RBFOX1: variants seen among roughly 807,000 people sequenced by gnomAD.
RBFOX1 encodes the protein RNA binding fox-1 homolog 1.
A neutral mutation model predicts 57.7 loss-of-function variants in RBFOX1; 8 were observed. That is an observed-to-expected ratio of 0.14 (90% CI 0.08 to 0.25). The LOEUF (loss-of-function observed/expected upper bound fraction) is 0.25. Among genes scored for constraint, RBFOX1 ranks in the 10% least tolerant of loss-of-function variants. The probability of loss-of-function intolerance (pLI) is 1.00; values close to 1 mark genes in which losing one functional copy is unlikely to be tolerated. For missense variants in RBFOX1, 611 were observed against 548.5 expected (o/e 1.11, Z -1.14); for synonymous variants, 326 against 222.4 (o/e 1.47, Z -4.15).
At chr16:7,522,903 A>G (rs1338416772) in intron 5 of RBFOX1, among the ~76,000 whole-genome samples, 4 of 152,222 alleles carry the variant, frequency 2.6e-5, no homozygotes, top group African/African-American at 9.6e-5. Context: ...TTACAAATGT[A>G]CCTGCATGCA....
At chr16:6,520,677 G>A (rs995751664) in intron 2 of RBFOX1, among the ~76,000 whole-genome samples, 1 of 152,130 alleles carries the variant, frequency 6.6e-6, no homozygotes, top group Non-Finnish European at 1.5e-5. Context: ...AGTTCTGCAG[G>A]GCCTCAGCAG....
intron 4 of RBFOX1, among the ~76,000 whole-genome samples, chr16:5,931,518 C>A (rs188567380): frequency 1.4e-4 from 22 of 152,208 alleles, no homozygotes; most frequent in East Asian, 1.4e-3. Context: ...CCCACCGTAG[C>A]CCTGCATGCT....
intron 4 of RBFOX1, among the ~76,000 whole-genome samples, chr16:7,140,157 C>CCTCTCTCTCTCTCTCTCTCTCTCTCTCT (rs57128710): frequency 1.4e-5 from 1 of 70,888 alleles, no homozygotes; most frequent in Admixed American, 1.5e-4. Context: ...TCCTTCTCTC[C>CCTCTCTCTCTCTCTCTCTCTCTCTCTCT]CTCTCTCTCT....
chr16:5,346,510 G>T (rs1051998499), intron 1 of RBFOX1, among the ~76,000 whole-genome samples: 1 of 152,162 alleles, frequency 6.6e-6, no homozygotes, highest in South Asian at 2.1e-4. Context: ...AGAGAGAACC[G>T]CAAGAGCAAA....
At chr16:5,886,660 G>A (rs1351720689) in intron 4 of RBFOX1, among the ~76,000 whole-genome samples, 1 of 152,212 alleles carries the variant, frequency 6.6e-6, no homozygotes, top group Non-Finnish European at 1.5e-5. Flanking sequence ...GGCCAAAGCA[G>A]GCAGATCATC....
intron 3 of RBFOX1, among the ~76,000 whole-genome samples, chr16:6,820,153 G>A (rs548178764): frequency 1.7e-4 from 26 of 152,152 alleles, no homozygotes; most frequent in Non-Finnish European, 2.8e-4. Flanking sequence ...CTTGCCTGCC[G>A]CCATATAAGA....
At chr16:7,119,611 G>A (rs1446578490) in intron 4 of RBFOX1, among the ~76,000 whole-genome samples, 1 of 151,826 alleles carries the variant, frequency 6.6e-6, no homozygotes, top group Non-Finnish European at 1.5e-5. Context: ...CAGACATACA[G>A]GAGGACATTA....
intron 3 of RBFOX1, among the ~76,000 whole-genome samples, chr16:5,722,809 C>G (rs1284589130): frequency 6.6e-6 from 1 of 152,194 alleles, no homozygotes; most frequent in Admixed American, 6.5e-5. Context: ...TTAAATGCCA[C>G]TGTTTCTGAG....
intron 1 of RBFOX1, among the ~76,000 whole-genome samples, chr16:6,138,826 C>T (rs190019982): frequency 5.3e-5 from 8 of 152,248 alleles, no homozygotes; most frequent in African/African-American, 1.4e-4. Context: ...GAGATTGCGC[C>T]GCTGCACTCC....
At chr16:7,390,421 C>G (rs1033132223) in intron 4 of RBFOX1, among the ~76,000 whole-genome samples, 2 of 152,166 alleles carry the variant, frequency 1.3e-5, no homozygotes, top group African/African-American at 2.4e-5. Context: ...AGTCAGAAGA[C>G]TTGGGTTTAA....
chr16:6,699,335 G>A (rs994052544), intron 3 of RBFOX1, among the ~76,000 whole-genome samples: 7 of 150,014 alleles, frequency 4.7e-5, no homozygotes, highest in Non-Finnish European at 8.8e-5. Flanking sequence ...TTCAGGATCA[G>A]TGACTAAAAT....
intron 3 of RBFOX1, among the ~76,000 whole-genome samples, chr16:6,813,788 G>A (rs2089375362): frequency 6.6e-6 from 1 of 152,220 alleles, no homozygotes; most frequent in African/African-American, 2.4e-5. Context: ...CTGCAGAGAT[G>A]CGGAGGATTC....
chr16:6,518,028 A>T (rs1380486244), intron 2 of RBFOX1, among the ~76,000 whole-genome samples: 1 of 152,124 alleles, frequency 6.6e-6, no homozygotes, highest in African/African-American at 2.4e-5. Context: ...TTGACTCTGA[A>T]GTTCTTGTCT....
chr16:6,762,106 C>T (rs1047528311), intron 3 of RBFOX1, among the ~76,000 whole-genome samples: 2 of 152,132 alleles, frequency 1.3e-5, no homozygotes, highest in African/African-American at 2.4e-5. Flanking sequence ...GTTGAGTTAC[C>T]TTGGGAAATT....
chr16:7,580,033 G>A, intron 6 of RBFOX1, 113 bp downstream of exon 6: 1 of 1,198,760 alleles, frequency 8.3e-7, no homozygotes, highest in South Asian at 1.5e-5. Context: ...TGTATGGGGA[G>A]AAACAATTTA....
intron 1 of RBFOX1, among the ~76,000 whole-genome samples, chr16:6,227,593 C>T (rs2097427658): frequency 6.6e-6 from 1 of 150,892 alleles, no homozygotes; most frequent in South Asian, 2.1e-4. Context: ...TCCTTTCAGG[C>T]TTCCTCTTGC....
At chr16:7,106,446 A>G (rs1599666446) in intron 4 of RBFOX1, among the ~76,000 whole-genome samples, 2 of 152,276 alleles carry the variant, frequency 1.3e-5, no homozygotes, top group East Asian at 1.9e-4. Context: ...AAAGAAAAAA[A>G]CACCCTTGGG....
chr16:6,225,695 A>C (rs2056491530), intron 1 of RBFOX1, among the ~76,000 whole-genome samples: 4 of 152,222 alleles, frequency 2.6e-5, no homozygotes, highest in Admixed American at 2.6e-4. Context: ...TACCCTGCTC[A>C]CACTCTTTTG....
chr16:6,559,030 C>G (rs1450523298), intron 2 of RBFOX1, among the ~76,000 whole-genome samples: 1 of 152,142 alleles, frequency 6.6e-6, no homozygotes, highest in Non-Finnish European at 1.5e-5. Flanking sequence ...TAATGCAACT[C>G]CAACTCCCTA....
Sources: gnomAD v4.1 joint callset for allele counts (sites outside exome capture counted in the v4.1 genomes callset) on GRCh38, gnomAD v4.1.1 for gene constraint, MANE v1.5 for transcripts, NCBI Gene and HGNC (gene_info 2026-07-23, HGNC 2026-07-21) for gene names.